Variants in RIIAD1 observed in about 807,000 individuals in gnomAD.
RIIAD1 encodes RIIa domain-containing protein 1.
Under a neutral mutation model 13.3 loss-of-function variants are expected in RIIAD1, and 15 were observed. The ratio of observed to expected loss-of-function variants is 1.13; its 90% confidence interval spans 0.76 to 1.74. RIIAD1 has a LOEUF of 1.74. Among genes scored for constraint, RIIAD1 ranks in the 40% most tolerant of loss-of-function variants. RIIAD1 has a pLI of 0.00. For synonymous variants in RIIAD1, 50 were observed against 43.3 expected, an observed-to-expected ratio of 1.16 and a Z score of -0.61; for missense variants, 121 against 112.2, an observed-to-expected ratio of 1.08 and a Z score of -0.35.
At chr1:151,714,636 C>CA in intron 4 of RIIAD1, 1 of 1,562,182 alleles carries the variant, frequency 6.4e-7, no homozygotes, top group Non-Finnish European at 8.7e-7. Context: ...TCTGGGCCTT[C>CA]AGGGCTGAAT....
upstream of RIIAD1, among the ~76,000 whole-genome samples, chr1:151,718,222 C>T (rs1329945490): frequency 6.6e-6 from 1 of 152,152 alleles, no homozygotes; most frequent in Non-Finnish European, 1.5e-5. Context: ...TTACAGTGTC[C>T]CAGGCTTTGT....
intron 4 of RIIAD1, chr1:151,715,624 T>A (rs1394631625): frequency 1.4e-6 from 2 of 1,473,322 alleles, no homozygotes; most frequent in East Asian, 2.8e-5. Context: ...CACACCCATA[T>A]GTCTGGGATC....
At chr1:151,723,973 T>C (rs1203964903) in intron 2 of RIIAD1, among the ~76,000 whole-genome samples, 1 of 152,208 alleles carries the variant, frequency 6.6e-6, no homozygotes, top group East Asian at 1.9e-4. Flanking sequence ...CTCTCCAAGT[T>C]AGTAGTAGTT....
upstream of RIIAD1, chr1:151,716,676 TCCCACC>T: frequency 2.3e-5 from 1 of 43,982 alleles, no homozygotes; most frequent in Non-Finnish European, 5.0e-5. Flanking sequence ...TCAGCCCCCC[TCCCACC>T]CCCACCCCAG....
At chr1:151,712,885 C>CTGCACACACATGCGTGTGCA (rs938009074) in intron 2 of RIIAD1, among the ~76,000 whole-genome samples, 15 of 152,162 alleles carry the variant, frequency 9.9e-5, no homozygotes, top group East Asian at 1.9e-4. Flanking sequence ...AGCTGACACA[C>CTGCACACACATGCGTGTGCA]TGCACACACA....
upstream of RIIAD1, chr1:151,719,573 C>T: frequency 1.4e-6 from 1 of 700,694 alleles, no homozygotes; most frequent in Non-Finnish European, 2.6e-6. Context: ...GAAGTACTTA[C>T]TGGCTTCCCT....
intron 2 of RIIAD1, among the ~76,000 whole-genome samples, chr1:151,713,315 A>C (rs1193968915): frequency 6.6e-6 from 1 of 152,198 alleles, no homozygotes; most frequent in Non-Finnish European, 1.5e-5. Context: ...CTGAGCTGCC[A>C]GGCAGCTGGA....
At chr1:151,715,520 ACG>A in intron 4 of RIIAD1, 18 of 859,254 alleles carry the variant, frequency 2.1e-5, no homozygotes, top group Non-Finnish European at 2.4e-5. Flanking sequence ...CTTGCTGCAC[ACG>A]CACACACACA....
intron 2 of RIIAD1, among the ~76,000 whole-genome samples, chr1:151,712,787 G>A (rs981275693): frequency 3.9e-5 from 6 of 152,190 alleles, no homozygotes; most frequent in African/African-American, 1.2e-4. Flanking sequence ...TGGGGAGCAA[G>A]GAGAGGGGGC....
chr1:151,713,764 T>A (rs7537265), intron 3 of RIIAD1, among the ~76,000 whole-genome samples: 5 of 152,074 alleles, frequency 3.3e-5, no homozygotes, highest in East Asian at 1.9e-4. Context: ...GGATAAGATC[T>A]TTGGTGGGCG....
chr1:151,716,026 C>A (rs574081772), intron 4 of RIIAD1: 4 of 1,608,306 alleles, frequency 2.5e-6, no homozygotes, highest in Non-Finnish European at 2.5e-6. Flanking sequence ...TTCATTGAGG[C>A]GGCCCAGGAG....
upstream of RIIAD1, among the ~76,000 whole-genome samples, chr1:151,720,348 C>CG (rs1204360066): frequency 5.4e-4 from 1 of 1,844 alleles, no homozygotes; most frequent in South Asian, 0.033. Context: ...TTGCTCCTGC[C>CG]GGGAAAAAAA....
chr1:151,724,440 A>G (rs964061827), intron 2 of RIIAD1, among the ~76,000 whole-genome samples: 1 of 152,202 alleles, frequency 6.6e-6, no homozygotes, highest in Non-Finnish European at 1.5e-5. Flanking sequence ...GCCACCTCAC[A>G]TGGTCCTTCC....
chr1:151,717,130 A>G (rs901758468), upstream of RIIAD1, among the ~76,000 whole-genome samples: 1 of 152,068 alleles, frequency 6.6e-6, no homozygotes, highest in African/African-American at 2.4e-5. Flanking sequence ...AAGACTCAGC[A>G]GATGGGGGGT....
At chr1:151,723,924 G>C (rs1673784762) in intron 2 of RIIAD1, among the ~76,000 whole-genome samples, 1 of 152,212 alleles carries the variant, frequency 6.6e-6, no homozygotes, top group Non-Finnish European at 1.5e-5. Flanking sequence ...TTCTTCTAAA[G>C]GGAAATAAGA....
At chr1:151,727,514 G>A (rs1402840812) in intron 2 of RIIAD1, 61 bp from the exon 3 acceptor site, 2 of 1,144,484 alleles carry the variant, frequency 1.7e-6, no homozygotes, top group African/African-American at 3.1e-5. Flanking sequence ...ACCTGAAACA[G>A]TAGCCACAGC....
Position 151,721,596 on chromosome 1 carries a change from G to A in RIIAD1, c.60G>A (p.Gln20=). ...ACCCCGGGGCGCTTAGCGCAGCGCAGCTGGAGCAGCTGCGAAAATTCAAGG... is the reference window on the plus strand; with the variant it reads ...ACCCCGGGGCGCTTAGCGCAGCGCAACTGGAGCAGCTGCGAAAATTCAAGG... ...RPDPGALSAA[Q]LEQLRKFKIQ... Residue 20 remains glutamine, a synonymous_variant, in exon 1 of 5, where the codon CAG becomes CAA. Coordinates refer to ENST00000479191, the MANE Select transcript of RIIAD1 (RefSeq NM_001144956.3). The A allele has an allele frequency of 7.7e-7, 1 of 1,302,930 alleles. No individual in the cohort carries two copies. Among genetic ancestry groups the A allele is most frequent in the Non-Finnish European group, 9.8e-7 (1 of 1,022,738 alleles). The allele number at this position is 1,302,930 out of a possible 1,614,324, so 80.7% of individuals were successfully genotyped here. A position where few individuals can be genotyped will look rare whatever the true frequency, so the allele number is the denominator to read the frequency against.
intron 4 of RIIAD1, chr1:151,715,469 C>A (rs1673398031): frequency 1.9e-6 from 1 of 535,024 alleles, no homozygotes; most frequent in Non-Finnish European, 3.3e-6. Flanking sequence ...TGTGTCCTGA[C>A]CCCCATCCCA....
At position 151,721,553 on chromosome 1, in the gene RIIAD1, G is replaced by A; in HGVS notation, c.17G>A (p.Gly6Asp). METLP[G>D]LLQRPDPGAL... ...CGCAGCAAGATGGAGACGCTGCCAG[G>A]CTTGCTGCAGCGGCCCGACCCCGGG... The change falls in exon 1 of 5, where the codon GGC becomes GAC. Residue 6 changes from glycine (G) to aspartate (D), a missense_variant. Gly to Asp is a moderately conservative substitution (Grantham distance 94). Transcript: ENST00000479191. 1.5e-6 allele frequency: 2 copies of A among 1,331,042 alleles called. No individual in the cohort carries two copies. The highest frequency in any genetic ancestry group is 1.8e-5 in the South Asian group (1 of 54,480). The allele number at this position is 1,331,042 out of a possible 1,614,324, so 82.5% of individuals were successfully genotyped here.
Sources: gnomAD v4.1 joint callset for allele counts (sites outside exome capture counted in the v4.1 genomes callset) on GRCh38, gnomAD v4.1.1 for gene constraint, MANE v1.5 for transcripts, NCBI Gene and HGNC (gene_info 2026-07-23, HGNC 2026-07-21) for gene names.